The following INPP5B variants were observed in gnomAD, a reference collection of about 807,000 sequenced individuals.
INPP5B encodes the protein inositol polyphosphate-5-phosphatase B.
INPP5B carries 90 observed loss-of-function variants against 118.5 expected under a neutral mutation model. That is an observed-to-expected ratio of 0.76 (90% CI 0.64 to 0.90). The LOEUF (loss-of-function observed/expected upper bound fraction) is 0.90, where lower values mean the gene tolerates loss of function less well. INPP5B is among the 40% of genes least tolerant of loss of function. The pLI is 0.00. For missense variants in INPP5B, 984 were observed against 1,125.6 expected (o/e 0.87, Z 1.80); for synonymous variants, 385 against 418.9 (o/e 0.92, Z 0.99).
At chr1:37,890,130 T>C (rs539446833) in intron 8 of INPP5B, among the ~76,000 whole-genome samples, 21 of 152,288 alleles carry the variant, frequency 1.4e-4, no homozygotes, top group African/African-American at 5.1e-4. Flanking sequence ...ATCCCAGCAC[T>C]TTGGAAGGCC....
chr1:37,938,824 A>T (rs1325642411), intron 6 of INPP5B, among the ~76,000 whole-genome samples: 4 of 152,206 alleles, frequency 2.6e-5, no homozygotes, highest in African/African-American at 9.7e-5. Context: ...TGGGAGACCA[A>T]GGTGGGTGGA....
chr1:37,874,209 C>A, intron 17 of INPP5B, 54 bp from the exon 18 acceptor site: 1 of 1,368,140 alleles, frequency 7.3e-7, no homozygotes, highest in South Asian at 1.7e-5. Flanking sequence ...CAGCAACCTG[C>A]CCAGCCACCC....
At chr1:37,864,200 A>G in intron 23 of INPP5B, 112 bp downstream of exon 23, 1 of 633,882 alleles carries the variant, frequency 1.6e-6, no homozygotes, top group East Asian at 2.8e-5. Context: ...CTTTGCCCAG[A>G]GCTTGATATT....
At chr1:37,865,912 C>T (rs752236380) in intron 21 of INPP5B, 24 bp from the exon 22 acceptor site, 3 of 1,609,238 alleles carry the variant, frequency 1.9e-6, no homozygotes, top group Admixed American at 1.7e-5. Flanking sequence ...TGTTAAGGAA[C>T]CGATAATGCT....
At chr1:37,873,905 G>C (rs144443751) in intron 18 of INPP5B, 88 bp downstream of exon 18, 1 of 1,061,604 alleles carries the variant, frequency 9.4e-7, no homozygotes, top group African/African-American at 1.6e-5. Flanking sequence ...AAACACTCAA[G>C]CAAAAAGCTC....
intron 1 of INPP5B, among the ~76,000 whole-genome samples, chr1:37,946,652 T>C (rs1020822478): frequency 2.6e-5 from 4 of 152,100 alleles, no homozygotes; most frequent in African/African-American, 9.7e-5. Context: ...GAAGGGGACC[T>C]AGTCCCTTTG....
intron 7 of INPP5B, among the ~76,000 whole-genome samples, chr1:37,911,451 T>C (rs1644695854): frequency 6.6e-6 from 1 of 152,140 alleles, no homozygotes. Context: ...TCTTTCCTGT[T>C]CCTCACCCTG....
chr1:37,911,644 C>T (rs1024401386), intron 7 of INPP5B, among the ~76,000 whole-genome samples: 7 of 152,304 alleles, frequency 4.6e-5, no homozygotes, highest in Middle Eastern at 3.4e-3. Flanking sequence ...AAAAGGACTA[C>T]GAGTCAATAT....
intron 6 of INPP5B, among the ~76,000 whole-genome samples, chr1:37,937,521 C>T (rs1645741166): frequency 6.6e-6 from 1 of 151,990 alleles, no homozygotes; most frequent in African/African-American, 2.4e-5. Flanking sequence ...AATCCCAGCA[C>T]TTTGGGAGGC....
At chr1:37,868,278 A>T (rs1323979880) in intron 20 of INPP5B, among the ~76,000 whole-genome samples, 1 of 145,100 alleles carries the variant, frequency 6.9e-6, no homozygotes, top group African/African-American at 2.6e-5. Context: ...GCACCATTGC[A>T]CTCCAGCCTG....
intron 7 of INPP5B, among the ~76,000 whole-genome samples, chr1:37,925,325 A>G (rs564176126): frequency 3.3e-5 from 5 of 152,314 alleles, no homozygotes; most frequent in Non-Finnish European, 7.3e-5. Flanking sequence ...ATTCCAAGAA[A>G]GAAAGTCTCT....
At chr1:37,925,170 T>C (rs933664487) in intron 7 of INPP5B, among the ~76,000 whole-genome samples, 1 of 150,572 alleles carries the variant, frequency 6.6e-6, no homozygotes, top group African/African-American at 2.4e-5. Context: ...TGAGACTCCG[T>C]CTCAAAAAAA....
chr1:37,931,814 C>T, intron 7 of INPP5B, 99 bp downstream of exon 7: 1 of 1,608,908 alleles, frequency 6.2e-7, no homozygotes, highest in Non-Finnish European at 8.5e-7. Context: ...AATCGAAAGC[C>T]TGTCTTCTCC....
intron 3 of INPP5B, among the ~76,000 whole-genome samples, chr1:37,945,038 G>A (rs1408167886): frequency 1.3e-5 from 2 of 152,158 alleles, no homozygotes; most frequent in African/African-American, 4.8e-5. Context: ...GGAGGCTGAA[G>A]TGGGAGAATG....
intron 18 of INPP5B, 94 bp downstream of exon 18, chr1:37,873,899 A>C: frequency 1.0e-6 from 1 of 965,152 alleles, no homozygotes; most frequent in Middle Eastern, 3.0e-4. Flanking sequence ...AGAATAAAAC[A>C]CTCAAGCAAA....
intron 7 of INPP5B, among the ~76,000 whole-genome samples, chr1:37,920,245 T>C (rs1167815341): frequency 2.6e-5 from 4 of 152,208 alleles, no homozygotes; most frequent in Non-Finnish European, 5.9e-5. Context: ...AAAGCATTTC[T>C]GGCAGAGAAA....
chr1:37,864,318 T>A lies in INPP5B; in HGVS notation c.2620A>T (p.Ile874Phe). 1 of 1,574,894 alleles carries A rather than the reference T, an allele frequency of 6.3e-7. No individual in the cohort carries two copies. Among genetic ancestry groups the A allele is most frequent in the Non-Finnish European group, 8.7e-7 (1 of 1,145,134 alleles). The change falls in exon 23 of 24, where the codon ATT becomes TTT. Residue 874 changes from isoleucine to phenylalanine, a missense_variant. By Grantham distance (21) the Ile-to-Phe change is conservative (BLOSUM62 0). Around this residue, in one of 2 missense-constraint regions of INPP5B, gnomAD observed 634 missense variants for 791.0 expected, o/e 0.80. Coordinates refer to ENST00000373024, the MANE Select transcript of INPP5B (RefSeq NM_005540.3). The stretch of plus-strand genomic sequence containing the variant: ...TAGACATTTGGCTGCTTACCTAGAA[T>A]ATTCTCATCCAAATGATTTTTTGCT... ...NSAKNHLDEN[I>F]LASIFGSLLL...
chr1:37,887,225 T>C (rs1389103183), intron 11 of INPP5B, 126 bp downstream of exon 11: 2 of 772,330 alleles, frequency 2.6e-6, no homozygotes, highest in Non-Finnish European at 4.4e-6. Flanking sequence ...CTGGAAGATC[T>C]GGAAATGAAA....
At chr1:37,911,561 C>T (rs1326633172) in intron 7 of INPP5B, among the ~76,000 whole-genome samples, 2 of 152,178 alleles carry the variant, frequency 1.3e-5, no homozygotes, top group African/African-American at 4.8e-5. Flanking sequence ...ATCATTGAGG[C>T]TACCACTCTG....
Sources: allele counts gnomAD v4.1 joint callset (sites outside exome capture counted in the v4.1 genomes callset), GRCh38; gene constraint gnomAD v4.1.1; regional missense constraint gnomAD v4.1.1; transcripts MANE v1.5; gene names NCBI Gene and HGNC (gene_info 2026-07-23, HGNC 2026-07-21).